ZBTB18: variants seen among roughly 807,000 people sequenced by gnomAD.
ZBTB18 encodes the protein zinc finger and BTB domain containing 18.
Under a neutral mutation model 37.7 loss-of-function variants are expected in ZBTB18, and 2 were observed. The observed-to-expected ratio is 0.05, with a 90% CI of 0.02 to 0.17. The LOEUF (loss-of-function observed/expected upper bound fraction) is 0.17. Ranked by LOEUF, ZBTB18 falls within the 10% of genes least tolerant of loss-of-function variation. The pLI is 1.00. For synonymous variants in ZBTB18, 304 were observed against 276.5 expected (o/e 1.10, Z -0.99); for missense variants, 408 against 686.3 (o/e 0.59, Z 4.53).
upstream of ZBTB18, among the ~76,000 whole-genome samples, chr1:244,050,673 G>T (rs1020727539): frequency 6.6e-6 from 1 of 152,166 alleles, no homozygotes; most frequent in South Asian, 2.1e-4. Flanking sequence ...CTGTGGCAGT[G>T]TAAGAAATTT....
chr1:244,054,795 G>A lies in ZBTB18; in HGVS notation c.1021G>A (p.Ala341Thr), dbSNP rs1012437359. Residue 341 changes from alanine to threonine, a missense_variant, in exon 2 of 2, where the codon GCC becomes ACC. Around this residue, in one of 4 missense-constraint regions of ZBTB18, gnomAD observed 266 missense variants for 312.0 expected, o/e 0.85. Transcript: ENST00000358704. The surrounding 1 kb of genome is among the most constrained non-coding windows in gnomAD (Gnocchi z 9.0). Reference sequence around the variant, plus strand: ...GAGGGAGCTGGACCGGGAGGACAAAGCCAGTGATGATGAGATGATGACCCC... The same window carrying A: ...GAGGGAGCTGGACCGGGAGGACAAAACCAGTGATGATGAGATGATGACCCC... ...VLRELDREDK[A>T]SDDEMMTPES... 1.4e-5 allele frequency: 22 copies of A among 1,614,054 alleles called. No homozygotes were observed. Among genetic ancestry groups the A allele is most frequent in the Non-Finnish European group, 1.7e-5 (20 of 1,180,042 alleles).
In ZBTB18 at chr1:244,054,621, G is replaced by T. The variant is rs1259838752; in HGVS notation, c.847G>T (p.Val283Leu). The T allele has an allele frequency of 1.9e-6, 3 of 1,614,234 alleles. No individual in the cohort carries two copies. Among genetic ancestry groups the T allele is most frequent in the Admixed American group, 1.7e-5 (1 of 60,024 alleles). Residue 283 changes from valine (V) to leucine (L), a missense_variant, in exon 2 of 2, where the codon GTG becomes TTG. Val to Leu is a conservative substitution (Grantham distance 32). Transcript: ENST00000358704. This position sits in a 1 kb window ranked among gnomAD's most constrained non-coding sequence, Gnocchi z 9.0. Reference protein sequence around the residue: ...VLRSNLVQVKVEKEASCDESD... With the variant: ...VLRSNLVQVKLEKEASCDESD... ...GAGAAGCAACCTGGTGCAGGTGAAGGTGGAGAAAGAGGCTTCCTGTGATGA... is the reference window on the plus strand; with the variant it reads ...GAGAAGCAACCTGGTGCAGGTGAAGTTGGAGAAAGAGGCTTCCTGTGATGA...
chr1:244,049,540 G>A (rs1019252036), upstream of ZBTB18, among the ~76,000 whole-genome samples: 2 of 151,972 alleles, frequency 1.3e-5, no homozygotes, highest in African/African-American at 4.8e-5. Context: ...CATCGGGGAA[G>A]CGGTAGCAAC....
At chr1:244,049,960 T>G (rs1210683348), upstream of ZBTB18, among the ~76,000 whole-genome samples, 1 of 152,060 alleles carries the variant, frequency 6.6e-6, no homozygotes, top group Non-Finnish European at 1.5e-5. Context: ...TTGGAATGGG[T>G]CGAGGGCATT....
Position 244,053,330 on chromosome 1 carries a change from A to G in ZBTB18, c.14-458A>G, listed in dbSNP as rs1406773560. ...TCAGGTAGCAAAAGTAATAAAAAGGATGGTTGAACAAGTTTTCTTGTATGT... is the reference window on the plus strand; with the variant it reads ...TCAGGTAGCAAAAGTAATAAAAAGGGTGGTTGAACAAGTTTTCTTGTATGT... On this transcript the variant is annotated intron_variant, in intron 1 of 1. Coordinates refer to ENST00000358704, the MANE Select transcript of ZBTB18 (RefSeq NM_205768.3). The surrounding 1 kb of genome is among the most constrained non-coding windows in gnomAD (Gnocchi z 5.2). 1.3e-5 allele frequency among the ~76,000 whole-genome samples: 2 copies of G among 152,150 alleles called. No homozygotes were observed. Among genetic ancestry groups the G allele is most frequent in the East Asian group, 3.9e-4 (2 of 5,192 alleles).
chr1:244,051,548 T>C (rs971688651), intron 1 of ZBTB18, 104 bp downstream of exon 1: 46 of 1,382,888 alleles, frequency 3.3e-5, no homozygotes, highest in Admixed American at 3.3e-4. Context: ...AGGAATAATA[T>C]ATGAAATTGA....
rs1303545432 is a variant in ZBTB18 at position 244,054,552 on chromosome 1, G to A, written c.778G>A (p.Val260Ile). ...DLSVKSSLSG[V>I]ENLNSSYFSS... ...GTCTGTCAAGTCCAGCCTTTCAGGA[G>A]TTGAAAATCTGAACAGCTCTTATTT... The change falls in exon 2 of 2, where the codon GTT becomes ATT. Residue 260 changes from valine (V) to isoleucine (I), a missense_variant. Val to Ile is a conservative substitution (Grantham distance 29). This residue lies in a region of ZBTB18 where 266 missense variants were observed against 312.0 expected (regional missense o/e 0.85). Coordinates refer to ENST00000358704, the MANE Select transcript of ZBTB18 (RefSeq NM_205768.3). The surrounding 1 kb of genome is among the most constrained non-coding windows in gnomAD (Gnocchi z 9.0). The A allele has an allele frequency of 2.5e-6, 4 of 1,614,122 alleles. No individual in the cohort carries two copies. The highest frequency in any genetic ancestry group is 4.5e-5 in the East Asian group (2 of 44,890).
rs996631972 is a variant in ZBTB18, at chr1:244,053,731, G to A, written c.14-57G>A. 22 of 1,549,390 alleles carry A rather than the reference G, an allele frequency of 1.4e-5. No individual in the cohort carries two copies. In the African/African-American group the frequency reaches 2.8e-4, roughly 19 times the overall value. On this transcript the variant is annotated intron_variant, in intron 1 of 1. Transcript: ENST00000358704. The surrounding 1 kb of genome is among the most constrained non-coding windows in gnomAD (Gnocchi z 5.2). ...GAATTAATTTTTTTATATGGGGACT[G>A]GAGCGCTGAAAAGTTGTTCCTGACC...
Position 244,054,343 on chromosome 1 carries a change from G to C in ZBTB18, c.569G>C (p.Gly190Ala). ...AAAAGGGACTTGGCGGCCGAGCCTG[G>C]GAACATGTGGATGCGATTGCCCTCA... ...PSKRDLAAEP[G>A]NMWMRLPSDS... Residue 190 changes from glycine to alanine, a missense_variant, in exon 2 of 2, where the codon GGG becomes GCG. Gly to Ala is a moderately conservative substitution (Grantham distance 60, BLOSUM62 0). Around this residue, in one of 4 missense-constraint regions of ZBTB18, gnomAD observed 266 missense variants for 312.0 expected, o/e 0.85. Transcript: ENST00000358704. This position sits in a 1 kb window ranked among gnomAD's most constrained non-coding sequence, Gnocchi z 9.0. The C allele has an allele frequency of 6.2e-7, 1 of 1,614,188 alleles. No individual in the cohort carries two copies. Among genetic ancestry groups the C allele is most frequent in the Non-Finnish European group, 8.5e-7 (1 of 1,180,038 alleles).
In ZBTB18 at chr1:244,056,711, A is replaced by T. The variant is rs748562650; in HGVS notation, c.*1341A>T. ...ACTCATGAAAAGATTCTATGGACTG[A>T]AAAAGCCCCAGGCTGAAAGGACTGG... On this transcript the variant is annotated 3_prime_UTR_variant, in exon 2 of 2. Coordinates refer to ENST00000358704, the MANE Select transcript of ZBTB18 (RefSeq NM_205768.3). 4.9e-5 allele frequency: 7 copies of T among 143,694 alleles called. No homozygotes were observed. Among genetic ancestry groups the T allele is most frequent in the Non-Finnish European group, 9.4e-5 (6 of 63,626 alleles). 8.9% of individuals were successfully genotyped at this position (143,694 alleles called of 1,614,324 possible).
Position 244,053,633 on chromosome 1 carries a change from C to A in ZBTB18, c.14-155C>A. On this transcript the variant is annotated intron_variant, in intron 1 of 1. Coordinates refer to ENST00000358704, the MANE Select transcript of ZBTB18 (RefSeq NM_205768.3). The surrounding 1 kb of genome is among the most constrained non-coding windows in gnomAD (Gnocchi z 5.2). The stretch of plus-strand genomic sequence containing the variant: ...TTTCCTTCTGGCATTTAGGTCTTGT[C>A]CGTGTGATTTGGTGGTGCTTGGGTC... 1 of 686,876 alleles carries A rather than the reference C, an allele frequency of 1.5e-6. No individual in the cohort carries two copies. Among genetic ancestry groups the A allele is most frequent in the Non-Finnish European group, 1.8e-6 (1 of 557,362 alleles). The allele number at this position is 686,876 out of a possible 1,614,324, so 42.5% of individuals were successfully genotyped here. A position where few individuals can be genotyped will look rare whatever the true frequency, so the allele number is the denominator to read the frequency against.
At chr1:244,049,555 C>T (rs948719645), upstream of ZBTB18, among the ~76,000 whole-genome samples, 9 of 152,022 alleles carry the variant, frequency 5.9e-5, no homozygotes, top group Non-Finnish European at 8.8e-5. Context: ...AGCAACCACT[C>T]TCCTCCCGCT....
chr1:244,054,914 G>T lies in ZBTB18; in HGVS notation c.1140G>T (p.Met380Ile), dbSNP rs1698428152. The change falls in exon 2 of 2, where the codon ATG (methionine) becomes ATT (isoleucine). Residue 380 changes from methionine to isoleucine, a missense_variant. Transcript: ENST00000358704. The surrounding 1 kb of genome is among the most constrained non-coding windows in gnomAD (Gnocchi z 9.0). ...NILSPAGQIF[M>I]CPLCNKVFPS... Reference sequence around the variant, plus strand: ...TGAGCCCCGCGGGCCAGATCTTCATGTGCCCCCTGTGCAACAAGGTCTTCC... The same window carrying T: ...TGAGCCCCGCGGGCCAGATCTTCATTTGCCCCCTGTGCAACAAGGTCTTCC... 1.2e-6 allele frequency: 2 copies of T among 1,614,036 alleles called. No homozygotes were observed. The highest frequency in any genetic ancestry group is 3.3e-5 in the Admixed American group (2 of 60,012).
upstream of ZBTB18, among the ~76,000 whole-genome samples, chr1:244,051,128 T>TC (rs1698341015): frequency 6.6e-6 from 1 of 152,184 alleles, no homozygotes; most frequent in South Asian, 2.1e-4. Flanking sequence ...AGAAAAGTTC[T>TC]CCTAAGAAAA....
chr1:244,055,058 C>T lies in ZBTB18; in HGVS notation c.1284C>T (p.Phe428=), dbSNP rs769046537. Residue 428 remains phenylalanine (F), a synonymous_variant, in exon 2 of 2, where the codon TTC becomes TTT. Transcript: ENST00000358704. The surrounding 1 kb of genome is among the most constrained non-coding windows in gnomAD (Gnocchi z 7.0). The part of the protein sequence containing the change: ...VPTCSLCGKT[F]SCMYTLKRHE... ...CGTGCTCGCTGTGTGGGAAGACTTT[C>T]TCTTGCATGTACACCCTCAAGCGCC... 2 of 1,614,226 alleles carry T rather than the reference C, an allele frequency of 1.2e-6. No individual in the cohort carries two copies. Among genetic ancestry groups the T allele is most frequent in the Non-Finnish European group, 1.7e-6 (2 of 1,180,052 alleles).
At chr1:244,051,521 CT>C in intron 1 of ZBTB18, 77 bp downstream of exon 1, 1 of 1,543,612 alleles carries the variant, frequency 6.5e-7, no homozygotes. Flanking sequence ...AATCACATTA[CT>C]TTTCTAACCC....
chr1:244,055,756 C>T lies in ZBTB18; in HGVS notation c.*386C>T, dbSNP rs1046412013. The T allele has an allele frequency of 6.0e-6, 1 of 166,424 alleles. No individual in the cohort carries two copies. The highest frequency in any genetic ancestry group is 2.4e-5 in the African/African-American group (1 of 41,252). 10.3% of individuals were successfully genotyped at this position (166,424 alleles called of 1,614,324 possible). A position where few individuals can be genotyped will look rare whatever the true frequency, so the allele number is the denominator to read the frequency against. The stretch of plus-strand genomic sequence containing the variant: ...GTTTTTTTTTTTAAGTAGAAATTCC[C>T]TCCAGTTTTATTAGCCTCTTTATAT... On this transcript the variant is annotated 3_prime_UTR_variant, in exon 2 of 2. Transcript: ENST00000358704. The surrounding 1 kb of genome is among the most constrained non-coding windows in gnomAD (Gnocchi z 7.0).
rs1206358191 is a variant in ZBTB18, at chr1:244,056,693, A to G, written c.*1323A>G. 3 of 134,772 alleles carry G rather than the reference A, an allele frequency of 2.2e-5. No individual in the cohort carries two copies. The highest frequency in any genetic ancestry group is 3.3e-5 in the Non-Finnish European group (2 of 61,536). 8.3% of individuals were successfully genotyped at this position (134,772 alleles called of 1,614,324 possible). A position where few individuals can be genotyped will look rare whatever the true frequency, so the allele number is the denominator to read the frequency against. On this transcript the variant is annotated 3_prime_UTR_variant, in exon 2 of 2. Transcript: ENST00000358704. ...CACCACCCTCCACCCCCAACTCATG[A>G]AAAGATTCTATGGACTGAAAAAGCC...
Position 244,054,885 on chromosome 1 carries a change from A to C in ZBTB18, c.1111A>C (p.Ile371Leu). The C allele has an allele frequency of 1.9e-6, 3 of 1,614,150 alleles. No homozygotes were observed. The highest frequency in any genetic ancestry group is 1.7e-6 in the Non-Finnish European group (2 of 1,180,022). The change falls in exon 2 of 2, where the codon ATC becomes CTC. Residue 371 changes from isoleucine (I) to leucine (L), a missense_variant. Ile to Leu is a conservative substitution (Grantham distance 5). Transcript: ENST00000358704. The surrounding 1 kb of genome is among the most constrained non-coding windows in gnomAD (Gnocchi z 9.0). ...ESSLLPYVSNILSPAGQIFMC... is the reference protein window; with the variant it reads ...ESSLLPYVSNLLSPAGQIFMC... ...CAGTCTGCTCCCCTACGTCTCCAAC[A>C]TCCTGAGCCCCGCGGGCCAGATCTT...
Sources: allele counts gnomAD v4.1 joint callset (sites outside exome capture counted in the v4.1 genomes callset), GRCh38; gene constraint gnomAD v4.1.1; regional missense constraint gnomAD v4.1.1; non-coding constraint Gnocchi (gnomAD v3.1); transcripts MANE v1.5; gene names NCBI Gene and HGNC (gene_info 2026-07-23, HGNC 2026-07-21).